KRT34: variants seen among roughly 807,000 people sequenced by gnomAD.
KRT34 encodes keratin 34.
KRT34 carries 31 observed loss-of-function variants against 41.7 expected under a neutral mutation model. The observed-to-expected ratio is 0.74, with a 90% CI of 0.56 to 1.00. The LOEUF is 1.00. Among genes scored for constraint, KRT34 ranks in the 50% least tolerant of loss-of-function variants. The probability of loss-of-function intolerance (pLI) is 0.00; values close to 1 mark genes in which losing one functional copy is unlikely to be tolerated. For synonymous variants in KRT34, 224 were observed against 212.9 expected (o/e 1.05, Z -0.45); for missense variants, 523 against 500.3 (o/e 1.05, Z -0.43).
chr17:41,378,540 C>T (rs1219211966), intron 6 of KRT34, among the ~76,000 whole-genome samples: 1 of 152,194 alleles, frequency 6.6e-6, no homozygotes, highest in African/African-American at 2.4e-5. Context: ...ATCCACCCAC[C>T]TCAACCTCCC....
intron 6 of KRT34, 108 bp from the exon 7 acceptor site, chr17:41,378,254 G>A (rs1158758849): frequency 3.9e-6 from 3 of 762,202 alleles, no homozygotes; most frequent in Non-Finnish European, 6.9e-6. Context: ...GGAGTTAGTT[G>A]GAATCAAGTT....
rs760604152 is a variant in KRT34, at chr17:41,379,129, G to A, written c.924C>T (p.Ser308=). 2.5e-6 allele frequency: 4 copies of A among 1,614,234 alleles called. No individual in the cohort carries two copies. Among genetic ancestry groups the A allele is most frequent in the African/African-American group, 1.3e-5 (1 of 75,068 alleles). Residue 308 remains serine, a synonymous_variant, in exon 6 of 7, where the codon AGC becomes AGT. Coordinates refer to ENST00000394001, the MANE Select transcript of KRT34 (RefSeq NM_001386014.1). ...GGCTCTGCACCTGGGACAGCTGGGA[G>A]CTGTAGTGGGCCTCGCTCTCCGTCA... ...NTLTESEAHY[S]SQLSQVQSLI...
At chr17:41,379,818 A>T (rs764244872) in intron 3 of KRT34, 87 bp from the exon 4 acceptor site, 8 of 1,341,900 alleles carry the variant, frequency 6.0e-6, no homozygotes, top group Admixed American at 2.5e-5. Flanking sequence ...ACTGCCCAAA[A>T]AGCACTAAAA....
intron 4 of KRT34, 34 bp downstream of exon 4, chr17:41,379,536 C>T (rs763846445): frequency 2.7e-5 from 44 of 1,613,712 alleles, no homozygotes; most frequent in South Asian, 7.7e-5. Flanking sequence ...TGGGGCACCT[C>T]GGGTCCTGAG....
upstream of KRT34, among the ~76,000 whole-genome samples, chr17:41,382,686 GCT>G (rs1482362294): frequency 6.6e-6 from 1 of 152,232 alleles, no homozygotes; most frequent in Non-Finnish European, 1.5e-5. Context: ...CAGAGAGAGA[GCT>G]CTGAGAGAGA....
chr17:41,382,347 G>A (rs529455079), upstream of KRT34: 74 of 1,612,436 alleles, frequency 4.6e-5, no homozygotes, highest in South Asian at 7.8e-4. Context: ...ACCATTAATT[G>A]TGGGTGGGGG....
intron 3 of KRT34, among the ~76,000 whole-genome samples, chr17:41,380,809 G>A (rs1248283961): frequency 6.6e-6 from 1 of 152,134 alleles, no homozygotes; most frequent in Non-Finnish European, 1.5e-5. Context: ...GTGATCAGCA[G>A]AGAGCAGGGC....
Position 41,379,018 on chromosome 17 carries a change from C to T in KRT34, c.1035G>A (p.Val345=). ...QNQEYQVLLD[V]RARLECEINT... is the part of the protein sequence containing the mutation. The stretch of plus-strand genomic sequence containing the variant: ...TGATCTCACACTCCAGCCGGGCACG[C>T]ACGTCCAGCAGCACCTGGTACTCCT... Residue 345 remains valine, a synonymous_variant, in exon 6 of 7, where the codon GTG becomes GTA. Transcript: ENST00000394001. 1 of 1,613,792 alleles carries T rather than the reference C, an allele frequency of 6.2e-7. No homozygotes were observed.
upstream of KRT34, chr17:41,382,449 A>C: frequency 3.3e-6 from 4 of 1,213,380 alleles, no homozygotes; most frequent in South Asian, 5.8e-5. Flanking sequence ...TCCCCCCTCA[A>C]CCCATAAAAT....
In KRT34 at chr17:41,381,144, T is replaced by A; in HGVS notation, c.500A>T (p.Asp167Val). Residue 167 changes from aspartate (D) to valine (V), a missense_variant, in exon 3 of 7, where the codon GAT becomes GTT. Asp to Val is a radical substitution (Grantham distance 152). Transcript: ENST00000394001. Reference sequence around the variant, plus strand: ...GTCAGACTTGCAGAGGGTCAGCTCATCCAGGATCCTGCGTATGCTGTTGAT... The same window carrying A: ...GTCAGACTTGCAGAGGGTCAGCTCAACCAGGATCCTGCGTATGCTGTTGAT... ...SDINSIRRILDELTLCKSDLE... is the reference protein window; with the variant it reads ...SDINSIRRILVELTLCKSDLE... 1 of 1,614,132 alleles carries A rather than the reference T, an allele frequency of 6.2e-7. No homozygotes were observed.
rs1021935780 is a variant in KRT34, at chr17:41,379,683, C to A, written c.637G>T (p.Val213Leu). 1.9e-6 allele frequency: 3 copies of A among 1,613,766 alleles called. No homozygotes were observed. In the African/African-American group the frequency reaches 4.0e-5, roughly 22 times the overall value. The change falls in exon 4 of 7, where the codon GTG (valine) becomes TTG (leucine). Residue 213 changes from valine to leucine, a missense_variant. Coordinates refer to ENST00000394001, the MANE Select transcript of KRT34 (RefSeq NM_001386014.1). ...SQLGDRLNVE[V>L]DTAPTVDLNQ... is the part of the protein sequence containing the mutation. ...AGGTCCACAGTGGGGGCAGTGTCCA[C>A]CTCCACGTTGAGGCGGTCTCCAAGC...
chr17:41,381,853 AAG>A (rs1319844628), intron 1 of KRT34, 44 bp downstream of exon 1: 2 of 1,613,372 alleles, frequency 1.2e-6, no homozygotes, highest in African/African-American at 2.7e-5. Flanking sequence ...TTACTGTTCA[AAG>A]AGAGCCAGCT....
Position 41,381,247 on chromosome 17 carries a change from A to G in KRT34, c.432-35T>C, listed in dbSNP as rs749049137. 2.5e-6 allele frequency: 4 copies of G among 1,600,514 alleles called. No homozygotes were observed. The Admixed American group carries it at 6.9e-5, about 28-fold the overall frequency. On this transcript the variant is annotated intron_variant, in intron 2 of 6. Transcript: ENST00000394001. ...TCGGAGTGGGAGGATAAGTCAGGAA[A>G]GAAAACCACCTTCCCCTCTCATGTG...
chr17:41,381,747 T>G lies in KRT34; in HGVS notation c.397A>C (p.Asn133His). 1.2e-6 allele frequency: 2 copies of G among 1,614,200 alleles called. No individual in the cohort carries two copies. The highest frequency in any genetic ancestry group is 1.7e-6 in the Non-Finnish European group (2 of 1,180,012). The change falls in exon 2 of 7, where the codon AAT becomes CAT. Residue 133 changes from asparagine (N) to histidine (H), a missense_variant. Asn to His is a moderately conservative substitution (Grantham distance 68). Coordinates refer to ENST00000394001, the MANE Select transcript of KRT34 (RefSeq NM_001386014.1). ...ENARLVVNIDNAKLASDDFRS... is the reference protein window; with the variant it reads ...ENARLVVNIDHAKLASDDFRS... ...AAGTCGTCAGAGGCCAGCTTGGCAT[T>G]GTCAATGTTCACCACCAGCCTGGCA...
At chr17:41,380,798 A>G (rs112227204) in intron 3 of KRT34, among the ~76,000 whole-genome samples, 1 of 152,156 alleles carries the variant, frequency 6.6e-6, no homozygotes, top group African/African-American at 2.4e-5. Context: ...AGGACCTAGC[A>G]GTGATCAGCA....
rs772002216 is a variant in KRT34 at position 41,379,330 on chromosome 17, C to T, written c.876+23G>A. 4 of 1,613,132 alleles carry T rather than the reference C, an allele frequency of 2.5e-6. No individual in the cohort carries two copies. In the Admixed American group the frequency reaches 5.0e-5, roughly 20 times the overall value. Reference sequence around the variant, plus strand: ...TGCCTCCCAAGTTCCCATCGCTCACCAGCAGGTCTGAACAATACACACCAG... The same window carrying T: ...TGCCTCCCAAGTTCCCATCGCTCACTAGCAGGTCTGAACAATACACACCAG... On this transcript the variant is annotated intron_variant, in intron 5 of 6. Coordinates refer to ENST00000394001, the MANE Select transcript of KRT34 (RefSeq NM_001386014.1).
In KRT34 at chr17:41,382,251, C is replaced by T; in HGVS notation, c.-5G>A. 6.2e-7 allele frequency: 1 copy of T among 1,612,848 alleles called. No homozygotes were observed. The highest frequency in any genetic ancestry group is 8.5e-7 in the Non-Finnish European group (1 of 1,180,032). ...CAGGCAACAACTGTAAGACATGGTG[C>T]TGGAACAGGTAATGGAAAAGCAGGT... On this transcript the variant is annotated 5_prime_UTR_variant, in exon 1 of 7. Transcript: ENST00000394001.
At chr17:41,381,686 C>T in intron 2 of KRT34, 27 bp downstream of exon 2, 1 of 1,604,332 alleles carries the variant, frequency 6.2e-7, no homozygotes, top group Non-Finnish European at 8.5e-7. Context: ...CATGAAAGAA[C>T]CATAGGGACC....
intron 3 of KRT34, among the ~76,000 whole-genome samples, 156 bp downstream of exon 3, chr17:41,380,900 C>T (rs542452070): frequency 2.2e-4 from 34 of 152,282 alleles, no homozygotes; most frequent in African/African-American, 7.9e-4. Context: ...CAGCTCACTC[C>T]ACTCCTTGAT....
Sources: allele counts gnomAD v4.1 joint callset (sites outside exome capture counted in the v4.1 genomes callset), GRCh38; gene constraint gnomAD v4.1.1; transcripts MANE v1.5; gene names NCBI Gene and HGNC (gene_info 2026-07-23, HGNC 2026-07-21).